Variants in ENTREP2 observed in about 807,000 individuals in gnomAD.
ENTREP2 encodes the protein protein ENTREP2.
the ENTREP2 span, among the ~76,000 whole-genome samples, chr15:29,390,521 G>A: frequency 6.6e-6 from 1 of 152,256 alleles, no homozygotes; most frequent in East Asian, 1.9e-4. Flanking sequence ...ACGCCAACTC[G>A]CTCTTTTCTC....
At chr15:29,369,657 T>C in the ENTREP2 span, among the ~76,000 whole-genome samples, 4 of 152,034 alleles carry the variant, frequency 2.6e-5, no homozygotes, top group Non-Finnish European at 5.9e-5. Flanking sequence ...AGACAGTAAA[T>C]TAAACTCACA....
the ENTREP2 span, among the ~76,000 whole-genome samples, chr15:29,431,966 A>G: frequency 1.3e-5 from 2 of 152,214 alleles, no homozygotes; most frequent in Non-Finnish European, 2.9e-5. Context: ...CAATGTGAAC[A>G]GGCTATTTTG....
At chr15:29,572,960 G>A in the ENTREP2 span, among the ~76,000 whole-genome samples, 1 of 152,168 alleles carries the variant, frequency 6.6e-6, no homozygotes, top group Admixed American at 6.5e-5. Context: ...CTGTCAGCTG[G>A]CAAGAGGTGA....
chr15:29,607,114 T>C, the ENTREP2 span, among the ~76,000 whole-genome samples: 1 of 152,218 alleles, frequency 6.6e-6, no homozygotes, highest in Non-Finnish European at 1.5e-5. Flanking sequence ...ATTACAGGCA[T>C]GAGCCACCGC....
chr15:29,415,939 G>C, the ENTREP2 span, among the ~76,000 whole-genome samples: 2 of 152,126 alleles, frequency 1.3e-5, no homozygotes, highest in African/African-American at 4.8e-5. Context: ...CAACTTACAA[G>C]GGATGTGAAG....
the ENTREP2 span, among the ~76,000 whole-genome samples, chr15:29,163,012 G>GC: frequency 6.6e-6 from 1 of 152,142 alleles, no homozygotes; most frequent in African/African-American, 2.4e-5. Context: ...CTCAGAACCA[G>GC]CCCGGAGCTG....
the ENTREP2 span, among the ~76,000 whole-genome samples, chr15:29,576,007 A>C: frequency 3.3e-5 from 5 of 152,204 alleles, no homozygotes; most frequent in Non-Finnish European, 7.3e-5. Flanking sequence ...ATGGAATTCC[A>C]AGGGTCCCCA....
At chr15:29,353,927 C>G in the ENTREP2 span, among the ~76,000 whole-genome samples, 1 of 152,180 alleles carries the variant, frequency 6.6e-6, no homozygotes, top group Non-Finnish European at 1.5e-5. Context: ...AGAGAAAGAT[C>G]ACCTTCTGTG....
chr15:29,454,277 T>C, the ENTREP2 span, among the ~76,000 whole-genome samples: 1 of 152,234 alleles, frequency 6.6e-6, no homozygotes, highest in African/African-American at 2.4e-5. Context: ...ATTTTTTCCA[T>C]TTGATGTTAA....
the ENTREP2 span, among the ~76,000 whole-genome samples, chr15:29,203,500 G>A: frequency 6.6e-6 from 1 of 152,196 alleles, no homozygotes; most frequent in African/African-American, 2.4e-5. Flanking sequence ...TAACTGGCAT[G>A]AGATGGTATC....
chr15:29,460,572 A>C, the ENTREP2 span, among the ~76,000 whole-genome samples: 2 of 152,178 alleles, frequency 1.3e-5, no homozygotes, highest in African/African-American at 4.8e-5. Flanking sequence ...CGGAGGCTGC[A>C]GTGACCCGAG....
chr15:29,309,530 A>C, the ENTREP2 span, among the ~76,000 whole-genome samples: 1 of 152,100 alleles, frequency 6.6e-6, no homozygotes, highest in African/African-American at 2.4e-5. Flanking sequence ...ATGTAATTCC[A>C]GCACTTTGGG....
At chr15:29,252,339 T>C in the ENTREP2 span, 1 of 1,367,746 alleles carries the variant, frequency 7.3e-7, no homozygotes, top group Non-Finnish European at 1.0e-6. Context: ...CTATGACCTT[T>C]ATGAAAGGGT....
At chr15:29,622,666 A>C in the ENTREP2 span, among the ~76,000 whole-genome samples, 37,669 of 152,050 alleles carry the variant, frequency 0.25, 6,642 homozygotes, top group African/African-American at 0.49. Flanking sequence ...GTGAGAGGGG[A>C]TGCCCTGACC....
chr15:29,272,386 C>G, the ENTREP2 span, among the ~76,000 whole-genome samples: 3 of 152,192 alleles, frequency 2.0e-5, no homozygotes, highest in African/African-American at 7.2e-5. Context: ...GTTTTACTTT[C>G]TGTGGTTTCA....
the ENTREP2 span, among the ~76,000 whole-genome samples, chr15:29,262,535 T>G: frequency 0.15 from 22,611 of 152,240 alleles, 2,071 homozygotes; most frequent in Middle Eastern, 0.27. Flanking sequence ...TTCAGAGAGC[T>G]TCCAGACTGC....
the ENTREP2 span, among the ~76,000 whole-genome samples, chr15:29,383,232 C>A: frequency 6.6e-6 from 1 of 152,230 alleles, no homozygotes; most frequent in Non-Finnish European, 1.5e-5. Context: ...ACACCGTCCA[C>A]AGGCTCTGCT....
chr15:29,191,153 A>G, the ENTREP2 span, among the ~76,000 whole-genome samples: 1 of 152,210 alleles, frequency 6.6e-6, no homozygotes, highest in Non-Finnish European at 1.5e-5. Flanking sequence ...TTTCAAGAGT[A>G]AGGATTATAT....
At chr15:29,534,157 T>C in the ENTREP2 span, among the ~76,000 whole-genome samples, 4 of 133,396 alleles carry the variant, frequency 3.0e-5, no homozygotes, top group Admixed American at 1.6e-4. Flanking sequence ...GTAGCCTTGC[T>C]CTCCTTCCTA....
Sources: gnomAD v4.1 joint callset for allele counts (sites outside exome capture counted in the v4.1 genomes callset) on GRCh38, gnomAD v4.1.1 for gene constraint, MANE v1.5 for transcripts, NCBI Gene and HGNC (gene_info 2026-07-23, HGNC 2026-07-21) for gene names.